Variants in SNW1 observed in about 807,000 individuals in gnomAD.
SNW1 encodes the protein SNW domain containing 1.
A neutral mutation model predicts 75.6 loss-of-function variants in SNW1; 9 were observed. That is an observed-to-expected ratio of 0.12 (90% CI 0.07 to 0.21). SNW1 has a LOEUF of 0.21. Among genes scored for constraint, SNW1 ranks in the 10% least tolerant of loss-of-function variants. The probability of loss-of-function intolerance (pLI) is 1.00; values close to 1 mark genes in which losing one functional copy is unlikely to be tolerated. For synonymous variants in SNW1, 200 were observed against 219.1 expected, an observed-to-expected ratio of 0.91 and a Z score of 0.77; for missense variants, 409 against 670.9, an observed-to-expected ratio of 0.61 and a Z score of 4.31.
chr14:77,749,017 G>A (rs2080786844), intron 3 of SNW1, among the ~76,000 whole-genome samples: 1 of 152,112 alleles, frequency 6.6e-6, no homozygotes, highest in South Asian at 2.1e-4. Context: ...TAGATTAAGT[G>A]GAAAATTATG....
At chr14:77,735,677 C>T (rs575571010) in intron 7 of SNW1, among the ~76,000 whole-genome samples, 1 of 152,276 alleles carries the variant, frequency 6.6e-6, no homozygotes, top group Non-Finnish European at 1.5e-5. Context: ...CCCATATATT[C>T]ACTTCCTATA....
At chr14:77,739,649 T>C (rs535356710) in intron 3 of SNW1, among the ~76,000 whole-genome samples, 3 of 152,020 alleles carry the variant, frequency 2.0e-5, no homozygotes, top group Non-Finnish European at 2.9e-5. Context: ...ATTCTATATA[T>C]ACAACTTATT....
intron 1 of SNW1, chr14:77,760,527 G>A: frequency 1.6e-6 from 1 of 633,722 alleles, no homozygotes; most frequent in South Asian, 1.8e-5. Context: ...AACTGAGGTG[G>A]TTCTATCTAC....
chr14:77,719,490 A>G (rs2080520339), intron 12 of SNW1, among the ~76,000 whole-genome samples: 1 of 152,154 alleles, frequency 6.6e-6, no homozygotes, highest in Admixed American at 6.5e-5. Context: ...TACAAAAATT[A>G]GCCTGGCATG....
At chr14:77,754,685 C>T (rs185511039) in intron 2 of SNW1, among the ~76,000 whole-genome samples, 1 of 151,886 alleles carries the variant, frequency 6.6e-6, no homozygotes, top group African/African-American at 2.4e-5. Flanking sequence ...TCCGTAATTC[C>T]TGAATTTATA....
intron 3 of SNW1, among the ~76,000 whole-genome samples, chr14:77,744,705 A>AT (rs2080747104): frequency 6.6e-6 from 1 of 152,142 alleles, no homozygotes; most frequent in African/African-American, 2.4e-5. Flanking sequence ...CCAAAGCTGT[A>AT]TTTCATTCAA....
chr14:77,727,118 A>G (rs67408612), intron 10 of SNW1, among the ~76,000 whole-genome samples: 51,037 of 151,804 alleles, frequency 0.34, 9,842 homozygotes, highest in East Asian at 0.5. Context: ...CAGTGGCATG[A>G]TCTCAGCTCG....
intron 10 of SNW1, among the ~76,000 whole-genome samples, chr14:77,727,944 G>T (rs1328129929): frequency 6.6e-6 from 1 of 151,682 alleles, no homozygotes; most frequent in East Asian, 1.9e-4. Context: ...CAATTTTTTG[G>T]AATAGTCTGA....
At chr14:77,720,519 C>T (rs1341781600) in intron 12 of SNW1, 192 bp downstream of exon 12, 2 of 725,890 alleles carry the variant, frequency 2.8e-6, no homozygotes, top group Admixed American at 1.9e-5. Flanking sequence ...CTCCTAGTGT[C>T]TCAAATCTCA....
intron 2 of SNW1, among the ~76,000 whole-genome samples, chr14:77,752,542 A>G (rs2080816716): frequency 6.6e-6 from 1 of 152,174 alleles, no homozygotes; most frequent in African/African-American, 2.4e-5. Flanking sequence ...AAATGGAAAC[A>G]TTCAGGCTTA....
chr14:77,740,503 C>T (rs1209361058), intron 3 of SNW1, among the ~76,000 whole-genome samples: 2 of 152,068 alleles, frequency 1.3e-5, no homozygotes, highest in South Asian at 2.1e-4. Context: ...CCCCTTACAA[C>T]TCTCACTCTC....
chr14:77,723,718 G>A (rs928563492), intron 10 of SNW1, among the ~76,000 whole-genome samples: 11 of 152,016 alleles, frequency 7.2e-5, no homozygotes, highest in East Asian at 1.9e-4. Flanking sequence ...GCAGTGGCGC[G>A]ATCTCAGCTC....
chr14:77,718,558 A>G (rs1308825201), intron 12 of SNW1, 28 bp from the exon 13 acceptor site: 1 of 1,439,074 alleles, frequency 6.9e-7, no homozygotes, highest in Non-Finnish European at 9.6e-7. Context: ...ACATTAAATA[A>G]AAGTGTAAAC....
intron 3 of SNW1, among the ~76,000 whole-genome samples, chr14:77,744,759 G>GT (rs779920967): frequency 2.0e-5 from 3 of 152,104 alleles, no homozygotes; most frequent in Non-Finnish European, 2.9e-5. Context: ...CTTAGATGTT[G>GT]TTTTTTCCTA....
At chr14:77,722,398 TG>T (rs2080548724) in intron 11 of SNW1, 1 of 374,164 alleles carries the variant, frequency 2.7e-6, no homozygotes, top group Non-Finnish European at 5.3e-6. Context: ...AAAAATGAGC[TG>T]ATTTTCTACT....
chr14:77,743,271 G>C (rs2080733546), intron 3 of SNW1, among the ~76,000 whole-genome samples: 1 of 149,916 alleles, frequency 6.7e-6, no homozygotes, highest in Non-Finnish European at 1.5e-5. Context: ...GAAAAAAAAA[G>C]CATTTGGTTG....
At chr14:77,759,102 A>T (rs1162750791) in intron 1 of SNW1, among the ~76,000 whole-genome samples, 1 of 152,250 alleles carries the variant, frequency 6.6e-6, no homozygotes, top group African/African-American at 2.4e-5. Flanking sequence ...GATTTAAAGG[A>T]TATTACAAAG....
intron 3 of SNW1, among the ~76,000 whole-genome samples, chr14:77,745,502 G>C (rs1312505668): frequency 6.6e-6 from 1 of 152,178 alleles, no homozygotes; most frequent in African/African-American, 2.4e-5. Flanking sequence ...GAGGTCAGGA[G>C]TTCAAGACCA....
chr14:77,755,984 C>G (rs1463587446), intron 1 of SNW1, among the ~76,000 whole-genome samples: 1 of 151,286 alleles, frequency 6.6e-6, no homozygotes, highest in Non-Finnish European at 1.5e-5. Flanking sequence ...GGTGATGTGC[C>G]CGCCCCGGCC....
Sources: allele counts gnomAD v4.1 joint callset (sites outside exome capture counted in the v4.1 genomes callset), GRCh38; gene constraint gnomAD v4.1.1; transcripts MANE v1.5; gene names NCBI Gene and HGNC (gene_info 2026-07-23, HGNC 2026-07-21).